Variants in SLA2 observed in about 807,000 individuals in gnomAD.
SLA2 encodes the protein Src like adaptor 2, also known as src-like-adapter 2.
In SLA2, 22 loss-of-function variants were observed where a neutral mutation model predicts 27.3. The observed-to-expected ratio is 0.81, with a 90% CI of 0.58 to 1.15. The LOEUF is 1.15. Among genes scored for constraint, SLA2 ranks in the 50% most tolerant of loss-of-function variants. SLA2 has a pLI of 0.00. For synonymous variants in SLA2, 131 were observed against 137.8 expected, an observed-to-expected ratio of 0.95 and a Z score of 0.34; for missense variants, 304 against 322.2, an observed-to-expected ratio of 0.94 and a Z score of 0.43.
intron 1 of SLA2, among the ~76,000 whole-genome samples, chr20:36,644,457 C>T (rs1978286074): frequency 6.6e-6 from 1 of 152,216 alleles, no homozygotes; most frequent in Non-Finnish European, 1.5e-5. Context: ...GGCTTAGTTT[C>T]CTTTCCCCTC....
chr20:36,620,399 A>G, intron 5 of SLA2: 1 of 184,724 alleles, frequency 5.4e-6, no homozygotes, highest in Non-Finnish European at 1.1e-5. Context: ...AAAATAAATA[A>G]AATAAAGAAG....
chr20:36,627,719 C>A (rs913243319), intron 5 of SLA2, among the ~76,000 whole-genome samples: 1 of 152,178 alleles, frequency 6.6e-6, no homozygotes, highest in Non-Finnish European at 1.5e-5. Context: ...GCCCCCTTCA[C>A]GGAGCAAGAT....
intron 5 of SLA2, among the ~76,000 whole-genome samples, chr20:36,631,542 C>T (rs1255577933): frequency 2.0e-5 from 3 of 152,326 alleles, no homozygotes; most frequent in South Asian, 4.1e-4. Context: ...GACTGCTAGA[C>T]ACCAAGGCTA....
chr20:36,612,419 T>TC lies in SLA2; in HGVS notation c.*1446_*1447insG. 1 of 619,662 alleles carries TC rather than the reference T, an allele frequency of 1.6e-6. No homozygotes were observed. The highest frequency in any genetic ancestry group is 1.8e-5 in the African/African-American group (1 of 54,286). The allele number at this position is 619,662 out of a possible 1,614,324, so 38.4% of individuals were successfully genotyped here. A position where few individuals can be genotyped will look rare whatever the true frequency, so the allele number is the denominator to read the frequency against. On this transcript the variant is annotated 3_prime_UTR_variant, in exon 8 of 8. Transcript: ENST00000262866. ...TCCATCGGGTGTAGAGTTTTTAAAC[T>TC]ATCAATGGCATTTCAAGTCTTCTGA...
At chr20:36,619,699 C>T (rs1250790787) in intron 5 of SLA2, among the ~76,000 whole-genome samples, 3 of 149,980 alleles carry the variant, frequency 2.0e-5, no homozygotes, top group Admixed American at 1.3e-4. Context: ...GGCGCCATCT[C>T]GGCTCACTGC....
intron 5 of SLA2, among the ~76,000 whole-genome samples, chr20:36,627,178 A>G (rs1174187880): frequency 6.6e-6 from 1 of 152,178 alleles, no homozygotes; most frequent in African/African-American, 2.4e-5. Flanking sequence ...TCCAGAGGGA[A>G]CAGTGGAAGC....
At chr20:36,631,044 G>T (rs2039388824) in intron 5 of SLA2, among the ~76,000 whole-genome samples, 1 of 152,206 alleles carries the variant, frequency 6.6e-6, no homozygotes, top group South Asian at 2.1e-4. Context: ...TCTTGGGGAA[G>T]GAGGAATCAC....
At chr20:36,620,947 G>A in intron 5 of SLA2, 2 of 327,024 alleles carry the variant, frequency 6.1e-6, no homozygotes, top group Admixed American at 3.4e-5. Flanking sequence ...CTGCTGGATG[G>A]TAAGTAGTCG....
rs181580373 is a variant in SLA2 at position 36,614,973 on chromosome 20, C to T, written c.532+252G>A. On this transcript the variant is annotated intron_variant, in intron 6 of 7. Transcript: ENST00000262866. ...CTGCCTGCTGCCAGGGGCTCTGAGTCAGAACCAGAGTGGTAGGCAAGGTAC... is the reference window on the plus strand; with the variant it reads ...CTGCCTGCTGCCAGGGGCTCTGAGTTAGAACCAGAGTGGTAGGCAAGGTAC... 1.1e-3 allele frequency: 1,084 copies of T among 985,400 alleles called. 1 individual carries two copies. Among genetic ancestry groups the T allele is most frequent in the Middle Eastern group, 1.6e-3 (3 of 1,914 alleles). The allele number at this position is 985,400 out of a possible 1,614,324, so 61.0% of individuals were successfully genotyped here. A position where few individuals can be genotyped will look rare whatever the true frequency, so the allele number is the denominator to read the frequency against.
intron 5 of SLA2, among the ~76,000 whole-genome samples, chr20:36,622,884 A>G (rs2039298975): frequency 6.6e-6 from 1 of 152,208 alleles, no homozygotes; most frequent in African/African-American, 2.4e-5. Context: ...ACATATTCAC[A>G]GGTGCTGCAG....
At chr20:36,621,205 G>A (rs550208223) in intron 5 of SLA2, 88 of 485,926 alleles carry the variant, frequency 1.8e-4, no homozygotes, top group Non-Finnish European at 2.8e-4. Context: ...TGGCGGTGGC[G>A]GAGGATATGA....
At chr20:36,614,024 T>C (rs2039174459) in intron 7 of SLA2, 38 bp from the exon 8 acceptor site, 4 of 1,610,418 alleles carry the variant, frequency 2.5e-6, no homozygotes, top group Non-Finnish European at 3.4e-6. Flanking sequence ...AAGAAGCCTC[T>C]TCCTCCTCCC....
At position 36,634,513 on chromosome 20, in the gene SLA2, C is replaced by T; in HGVS notation, c.168G>A (p.Gly56=). ...GGPAELSLRL[G]EPLTIVSEDG... is the part of the protein sequence containing the mutation. The stretch of plus-strand genomic sequence containing the variant: ...ACTCAGAGACGATGGTCAATGGCTC[C>T]CCGAGTCTCAGCGACAGCTCGGCCG... The change falls in exon 3 of 8, where the codon GGG becomes GGA. Residue 56 remains glycine, a synonymous_variant. Transcript: ENST00000262866. The T allele has an allele frequency of 6.2e-7, 1 of 1,611,278 alleles. No individual in the cohort carries two copies. The highest frequency in any genetic ancestry group is 1.1e-5 in the South Asian group (1 of 90,562).
chr20:36,646,074 C>T lies in SLA2; in HGVS notation c.-281G>A, dbSNP rs1023820112. 1 of 152,346 alleles carries T rather than the reference C, an allele frequency of 6.6e-6. No homozygotes were observed. The highest frequency in any genetic ancestry group is 1.5e-5 in the Non-Finnish European group (1 of 68,172). The allele number at this position is 152,346 out of a possible 1,614,324, so 9.4% of individuals were successfully genotyped here. A position where few individuals can be genotyped will look rare whatever the true frequency, so the allele number is the denominator to read the frequency against. On this transcript the variant is annotated 5_prime_UTR_variant, in exon 1 of 8. Coordinates refer to ENST00000262866, the MANE Select transcript of SLA2 (RefSeq NM_032214.4). The stretch of plus-strand genomic sequence containing the variant: ...GGGATGGATCAGCTGCCCCATGCTC[C>T]TTAGGGATTCTGGACTGGGGAACCC...
intron 5 of SLA2, among the ~76,000 whole-genome samples, chr20:36,619,482 C>T (rs915022983): frequency 6.0e-5 from 9 of 151,188 alleles, no homozygotes; most frequent in South Asian, 2.1e-4. Flanking sequence ...GCCAAGATCA[C>T]GCCACTGCAC....
chr20:36,626,945 A>G (rs189701963), intron 5 of SLA2, among the ~76,000 whole-genome samples: 2 of 152,092 alleles, frequency 1.3e-5, no homozygotes, highest in African/African-American at 4.8e-5. Context: ...AAATTGACAT[A>G]GTATGGGAAG....
At chr20:36,630,341 A>G (rs535103310) in intron 5 of SLA2, among the ~76,000 whole-genome samples, 1 of 152,316 alleles carries the variant, frequency 6.6e-6, no homozygotes, top group African/African-American at 2.4e-5. Flanking sequence ...AGGAGAGACA[A>G]AGAAGCTGGA....
intron 1 of SLA2, among the ~76,000 whole-genome samples, chr20:36,643,512 C>T (rs778440663): frequency 6.6e-6 from 1 of 152,174 alleles, no homozygotes; most frequent in Non-Finnish European, 1.5e-5. Flanking sequence ...GAACCCCACA[C>T]TGCCTGGATG....
Position 36,634,591 on chromosome 20 carries a change from T to C in SLA2, c.92-2A>G. On this transcript the variant is annotated splice_acceptor_variant, in intron 2 of 7. Coordinates refer to ENST00000262866, the MANE Select transcript of SLA2 (RefSeq NM_032214.4). LOFTEE classifies it high-confidence loss of function. ...CCACGGCTGTGGCCTTGCTTCTCTC[T>C]AGATGGAGGGACAGAAATAGTCACC... is the stretch of plus-strand genomic sequence containing the variant. 1.3e-6 allele frequency: 2 copies of C among 1,590,658 alleles called. No individual in the cohort carries two copies. The highest frequency in any genetic ancestry group is 1.7e-6 in the Non-Finnish European group (2 of 1,162,924).
Sources: allele counts gnomAD v4.1 joint callset (sites outside exome capture counted in the v4.1 genomes callset), GRCh38; gene constraint gnomAD v4.1.1; transcripts MANE v1.5; gene names NCBI Gene and HGNC (gene_info 2026-07-23, HGNC 2026-07-21).